Variants in RGL1 observed in about 807,000 individuals in gnomAD.
RGL1 encodes ral guanine nucleotide dissociation stimulator like 1, also known as ral guanine nucleotide dissociation stimulator-like 1.
A neutral mutation model predicts 95.2 loss-of-function variants in RGL1; 24 were observed. The observed-to-expected ratio is 0.25, with a 90% confidence interval of 0.18 to 0.35. The LOEUF (loss-of-function observed/expected upper bound fraction) is 0.35, where lower values mean the gene tolerates loss of function less well. Ranked by LOEUF, RGL1 falls within the 10% of genes least tolerant of loss-of-function variation. The pLI is 1.00. For missense variants in RGL1, 715 were observed against 936.3 expected (o/e 0.76, Z 3.08); for synonymous variants, 329 against 344.9 (o/e 0.95, Z 0.51).
chr1:183,712,482 TGA>T (rs746338559), intron 1 of RGL1, among the ~76,000 whole-genome samples: 6 of 150,548 alleles, frequency 4.0e-5, no homozygotes, highest in South Asian at 2.1e-4. Context: ...AGAGACAGAG[TGA>T]GAGAGAGAGA....
intron 13 of RGL1, among the ~76,000 whole-genome samples, chr1:183,905,274 G>A (rs1018400117): frequency 2.6e-5 from 4 of 152,186 alleles, no homozygotes; most frequent in Admixed American, 6.5e-5. Context: ...AAGATCTTAT[G>A]TGGGAATGCT....
intron 2 of RGL1, among the ~76,000 whole-genome samples, chr1:183,793,576 AAAAAC>A (rs777238897): frequency 6.6e-6 from 1 of 152,240 alleles, no homozygotes; most frequent in African/African-American, 2.4e-5. Flanking sequence ...CTCAACAGGA[AAAAAC>A]AAAACAAAAC....
chr1:183,647,511 A>T, intron 1 of RGL1: 2 of 1,132,228 alleles, frequency 1.8e-6, no homozygotes, highest in Non-Finnish European at 2.4e-6. Flanking sequence ...TATGTTTAAA[A>T]TAGTGTAACT....
At chr1:183,848,039 T>C (rs556658492) in intron 3 of RGL1, among the ~76,000 whole-genome samples, 1 of 152,312 alleles carries the variant, frequency 6.6e-6, no homozygotes, top group East Asian at 1.9e-4. Flanking sequence ...CTTTATGGAT[T>C]TACTATTTGC....
rs1472210667 is a variant in RGL1 at position 183,880,506 on chromosome 1, C to T, written c.426-110C>T. On this transcript the variant is annotated intron_variant, in intron 4 of 17. Transcript: ENST00000360851. The stretch of plus-strand genomic sequence containing the variant: ...ACTTTTGGATGAATGATCTGTTGAC[C>T]ACCCACCCAAGTTTCCAGGGGTGCC... 1.1e-5 allele frequency: 9 copies of T among 806,272 alleles called. No individual in the cohort carries two copies. The Admixed American group carries it at 2.0e-4, about 18-fold the overall frequency. The allele number at this position is 806,272 out of a possible 1,614,324, so 49.9% of individuals were successfully genotyped here. A position where few individuals can be genotyped will look rare whatever the true frequency, so the allele number is the denominator to read the frequency against.
chr1:183,727,919 T>C (rs1331140925), intron 1 of RGL1, among the ~76,000 whole-genome samples: 2 of 152,180 alleles, frequency 1.3e-5, no homozygotes, highest in African/African-American at 4.8e-5. Flanking sequence ...GGGGCCCAGG[T>C]GTTTGGTTAA....
At chr1:183,921,189 T>C (rs1669291371) in intron 16 of RGL1, among the ~76,000 whole-genome samples, 1 of 152,220 alleles carries the variant, frequency 6.6e-6, no homozygotes, top group African/African-American at 2.4e-5. Flanking sequence ...ACATCAGAAT[T>C]GGGGACGAGG....
chr1:183,900,823 G>T (rs1470666418), intron 11 of RGL1, among the ~76,000 whole-genome samples: 1 of 151,854 alleles, frequency 6.6e-6, no homozygotes, highest in East Asian at 2.0e-4. Context: ...GAACTCTTAT[G>T]AGGGGTTGTG....
At chr1:183,836,881 C>G (rs1663701289) in intron 2 of RGL1, among the ~76,000 whole-genome samples, 1 of 152,106 alleles carries the variant, frequency 6.6e-6, no homozygotes, top group South Asian at 2.1e-4. Context: ...TAAACAACGT[C>G]ATTATTACTT....
chr1:183,902,201 G>A (rs1449717506), intron 11 of RGL1, among the ~76,000 whole-genome samples: 1 of 152,166 alleles, frequency 6.6e-6, no homozygotes, highest in Admixed American at 6.5e-5. Context: ...TAAACCGTAT[G>A]AGTCAATGAC....
intron 2 of RGL1, among the ~76,000 whole-genome samples, chr1:183,825,817 A>T (rs942872600): frequency 2.6e-5 from 4 of 152,166 alleles, no homozygotes; most frequent in Non-Finnish European, 5.9e-5. Flanking sequence ...GTGGAAGCCT[A>T]TGTTCAAATG....
chr1:183,774,034 AT>A (rs1179877107), intron 2 of RGL1, among the ~76,000 whole-genome samples: 1 of 152,212 alleles, frequency 6.6e-6, no homozygotes, highest in East Asian at 1.9e-4. Context: ...TGCTGACAGT[AT>A]TGTCACAACA....
chr1:183,920,039 C>CT (rs34791923), intron 16 of RGL1, among the ~76,000 whole-genome samples: 156 of 146,106 alleles, frequency 1.1e-3, no homozygotes, highest in Middle Eastern at 3.6e-3. Context: ...CTTTCAAAAA[C>CT]TTTTTTTTTT....
At chr1:183,641,186 G>T (rs1649897744) in intron 1 of RGL1, among the ~76,000 whole-genome samples, 1 of 152,100 alleles carries the variant, frequency 6.6e-6, no homozygotes, top group Non-Finnish European at 1.5e-5. Context: ...CTAGGCTGGA[G>T]GGCAGTGGTA....
At position 183,806,436 on chromosome 1, in the gene RGL1, A is replaced by G; in HGVS notation, c.89A>G (p.Lys30Arg). The change falls in exon 2 of 18, where the codon AAA (lysine) becomes AGA (arginine). Residue 30 changes from lysine (K) to arginine (R), a missense_variant. Around this residue, in one of 3 missense-constraint regions of RGL1, gnomAD observed 381 missense variants for 484.8 expected, o/e 0.79. Transcript: ENST00000360851. ...GGAGCTGTTTACCATGTCACCCTCA[A>G]AAGAGTCCAGATTCAACAGGCTGCC... ...EEGAVYHVTLKRVQIQQAANK... is the reference protein window; with the variant it reads ...EEGAVYHVTLRRVQIQQAANK... 6.2e-7 allele frequency: 1 copy of G among 1,614,112 alleles called. No individual in the cohort carries two copies. The highest frequency in any genetic ancestry group is 1.3e-5 in the African/African-American group (1 of 75,022).
In RGL1 at chr1:183,907,070, C is replaced by T. The variant is rs921848141; in HGVS notation, c.1531C>T (p.Pro511Ser). ...AADASTTSPK[P>S]RKSMVKRLSL... ...TGACGCCAGCACCACCTCGCCCAAG[C>T]CTCGGAAGAGCATGGTGAAGAGACT... The change falls in exon 14 of 18, where the codon CCT becomes TCT. Residue 511 changes from proline (P) to serine (S), a missense_variant. Pro to Ser is a moderately conservative substitution (Grantham distance 74, BLOSUM62 -1). This residue lies in a region of RGL1 where 330 missense variants were observed against 429.6 expected (regional missense o/e 0.77). Coordinates refer to ENST00000360851, the MANE Select transcript of RGL1 (RefSeq NM_001297671.3). 3.7e-6 allele frequency: 6 copies of T among 1,611,582 alleles called. No individual in the cohort carries two copies. Among genetic ancestry groups the T allele is most frequent in the Non-Finnish European group, 5.1e-6 (6 of 1,178,454 alleles).
chr1:183,834,588 C>G (rs1203589858), intron 2 of RGL1, among the ~76,000 whole-genome samples: 1 of 152,206 alleles, frequency 6.6e-6, no homozygotes, highest in African/African-American at 2.4e-5. Flanking sequence ...CTCATCATCT[C>G]TAAGGTTTTT....
intron 1 of RGL1, among the ~76,000 whole-genome samples, chr1:183,708,416 C>G (rs1655054713): frequency 6.6e-6 from 1 of 152,172 alleles, no homozygotes; most frequent in Non-Finnish European, 1.5e-5. Context: ...AAGACCCTAC[C>G]TCTTATATTA....
rs1413718992 is a variant in RGL1 at position 183,880,613 on chromosome 1, C to T, written c.426-3C>T. 29 of 1,613,088 alleles carry T rather than the reference C, an allele frequency of 1.8e-5. No homozygotes were observed. The highest frequency in any genetic ancestry group is 2.4e-5 in the Non-Finnish European group (28 of 1,179,664). On this transcript the variant is annotated splice_polypyrimidine_tract_variant and splice_region_variant and intron_variant, in intron 4 of 17. Transcript: ENST00000360851. ...GCAGTGACTCTCCATTTGTCTTTCT[C>T]AGTGCAATCGCTTCCATACTAAGGG...
Sources: gnomAD v4.1 joint callset for allele counts (sites outside exome capture counted in the v4.1 genomes callset) on GRCh38, gnomAD v4.1.1 for gene constraint, gnomAD v4.1.1 regional missense constraint, MANE v1.5 for transcripts, NCBI Gene and HGNC (gene_info 2026-07-23, HGNC 2026-07-21) for gene names.